Variants in DIS3L2 observed in about 807,000 individuals in gnomAD.
DIS3L2 encodes the protein DIS3 like 3'-5' exoribonuclease 2.
A neutral mutation model predicts 97.5 loss-of-function variants in DIS3L2; 34 were observed. That is an observed-to-expected ratio of 0.35 (90% CI 0.27 to 0.46). DIS3L2 has a LOEUF of 0.46. Ranked by LOEUF, DIS3L2 falls within the 20% of genes least tolerant of loss-of-function variation. DIS3L2 has a pLI of 1.00. For missense variants in DIS3L2, 1,038 were observed against 1,146.0 expected (o/e 0.91, Z 1.36); for synonymous variants, 435 against 445.2 (o/e 0.98, Z 0.29).
At chr2:232,015,058 T>C in intron 2 of DIS3L2, 79 bp downstream of exon 2, 1 of 1,447,032 alleles carries the variant, frequency 6.9e-7, no homozygotes, top group Non-Finnish European at 9.7e-7. Flanking sequence ...GTGGAGGCTG[T>C]CTTTTAGGAC....
At chr2:232,142,648 A>G (rs1302995615) in intron 8 of DIS3L2, among the ~76,000 whole-genome samples, 3 of 151,890 alleles carry the variant, frequency 2.0e-5, no homozygotes, top group African/African-American at 7.3e-5. Context: ...GCTTTTATCT[A>G]TTTTCACTGA....
chr2:231,976,853 C>T (rs964789733), intron 1 of DIS3L2, among the ~76,000 whole-genome samples: 4 of 150,614 alleles, frequency 2.7e-5, no homozygotes, highest in Admixed American at 2.0e-4. Flanking sequence ...CTGCAGGCTC[C>T]GCCTCCCGGG....
At chr2:232,141,104 T>C (rs1229596984) in intron 8 of DIS3L2, among the ~76,000 whole-genome samples, 3 of 152,190 alleles carry the variant, frequency 2.0e-5, no homozygotes, top group Non-Finnish European at 4.4e-5. Context: ...TTTTAAGAGC[T>C]TCCCAACCTC....
chr2:232,323,388 G>A (rs1216038463), intron 14 of DIS3L2, among the ~76,000 whole-genome samples: 1 of 152,214 alleles, frequency 6.6e-6, no homozygotes, highest in Admixed American at 6.5e-5. Context: ...GGCCACTGGG[G>A]CTCCCTTTGG....
At chr2:232,319,510 T>C (rs547279273) in intron 14 of DIS3L2, among the ~76,000 whole-genome samples, 1 of 152,326 alleles carries the variant, frequency 6.6e-6, no homozygotes, top group South Asian at 2.1e-4. Flanking sequence ...AGGGCCCTCC[T>C]GGGGTGTTGG....
intron 6 of DIS3L2, among the ~76,000 whole-genome samples, chr2:232,094,546 C>T (rs1696943489): frequency 6.6e-6 from 1 of 151,758 alleles, no homozygotes; most frequent in Admixed American, 6.6e-5. Context: ...AGCAAAACCA[C>T]GTCTCTTCTA....
chr2:232,334,222 G>A (rs1271647478), intron 17 of DIS3L2, 147 bp from the exon 18 acceptor site: 4 of 1,245,318 alleles, frequency 3.2e-6, no homozygotes, highest in Non-Finnish European at 4.4e-6. Flanking sequence ...CGCTGACCTC[G>A]AAGGGCCGCT....
At chr2:232,147,947 C>T (rs969526672) in intron 8 of DIS3L2, among the ~76,000 whole-genome samples, 8 of 142,834 alleles carry the variant, frequency 5.6e-5, no homozygotes, top group Admixed American at 1.4e-4. Context: ...CCTTCCCTTC[C>T]CTCCCCTCCC....
intron 5 of DIS3L2, among the ~76,000 whole-genome samples, chr2:232,082,775 A>G (rs1026466711): frequency 3.3e-5 from 5 of 152,236 alleles, no homozygotes; most frequent in Non-Finnish European, 7.3e-5. Flanking sequence ...TATGCTCTAC[A>G]GTTAAGCTTG....
intron 5 of DIS3L2, among the ~76,000 whole-genome samples, chr2:232,084,272 C>G (rs1376919521): frequency 6.6e-6 from 1 of 152,044 alleles, no homozygotes; most frequent in Non-Finnish European, 1.5e-5. Context: ...TATTCCTTAT[C>G]CAGAATAAGG....
chr2:232,288,435 C>T (rs1413818609), intron 13 of DIS3L2, among the ~76,000 whole-genome samples: 2 of 152,218 alleles, frequency 1.3e-5, no homozygotes, highest in Non-Finnish European at 2.9e-5. Flanking sequence ...CTCACATTCA[C>T]CCGTAAAACA....
chr2:231,995,876 A>G (rs1437336507), intron 1 of DIS3L2, among the ~76,000 whole-genome samples: 1 of 152,240 alleles, frequency 6.6e-6, no homozygotes. Flanking sequence ...ACCATTCAAT[A>G]AAGTATAGAT....
At chr2:232,171,726 G>A (rs1690996145) in intron 9 of DIS3L2, among the ~76,000 whole-genome samples, 1 of 152,146 alleles carries the variant, frequency 6.6e-6, no homozygotes, top group African/African-American at 2.4e-5. Context: ...AACTCACTGT[G>A]AAATTACAAG....
chr2:232,107,861 A>C (rs61146033), intron 6 of DIS3L2, among the ~76,000 whole-genome samples: 10,163 of 152,144 alleles, frequency 0.067, 1,155 homozygotes, highest in East Asian at 0.51. Flanking sequence ...GAAGACACTG[A>C]CTCCCTGAAT....
At chr2:232,326,730 G>C (rs1695588115) in intron 14 of DIS3L2, among the ~76,000 whole-genome samples, 1 of 147,180 alleles carries the variant, frequency 6.8e-6, no homozygotes, top group Non-Finnish European at 1.5e-5. Context: ...CACAGGTGCT[G>C]TCCTGACTCC....
intron 1 of DIS3L2, among the ~76,000 whole-genome samples, chr2:232,012,978 T>TGG (rs1275771004): frequency 6.6e-6 from 1 of 152,236 alleles, no homozygotes; most frequent in Non-Finnish European, 1.5e-5. Flanking sequence ...TTGCCCCATG[T>TGG]GGAGGCATAT....
At chr2:232,164,543 G>A (rs950936590) in intron 9 of DIS3L2, among the ~76,000 whole-genome samples, 35 of 152,088 alleles carry the variant, frequency 2.3e-4, no homozygotes, top group African/African-American at 7.7e-4. Flanking sequence ...CTGAACTTAT[G>A]ACACCTTCAG....
chr2:232,325,967 G>A lies in DIS3L2; in HGVS notation c.1740-3846G>A, dbSNP rs566959156. Among the ~76,000 whole-genome samples, 317 of 152,306 alleles carry A rather than the reference G, an allele frequency of 2.1e-3. No homozygotes were observed. The highest frequency in any genetic ancestry group is 3.1e-3 in the Non-Finnish European group (212 of 68,012). On this transcript the variant is annotated intron_variant, in intron 14 of 20. Coordinates refer to ENST00000325385, the MANE Select transcript of DIS3L2 (RefSeq NM_152383.5). This position sits in a 1 kb window ranked among gnomAD's most constrained non-coding sequence, Gnocchi z 4.6. ...CTCTGCGCCCTTCGGGGCTCCCGTG[G>A]CCCAGAGTGTGGAGCGGCTCAACCT...
chr2:232,288,813 G>A (rs1029969201), intron 13 of DIS3L2, among the ~76,000 whole-genome samples: 1 of 152,158 alleles, frequency 6.6e-6, no homozygotes, highest in Non-Finnish European at 1.5e-5. Context: ...TTTTATGTAT[G>A]TTTGGCTTAT....
Sources: gnomAD v4.1 joint callset for allele counts (sites outside exome capture counted in the v4.1 genomes callset) on GRCh38, gnomAD v4.1.1 for gene constraint, Gnocchi (gnomAD v3.1) non-coding constraint, MANE v1.5 for transcripts, NCBI Gene and HGNC (gene_info 2026-07-23, HGNC 2026-07-21) for gene names.